Variants in COPS4 observed in about 807,000 individuals in gnomAD.
COPS4 encodes the protein COP9 signalosome subunit 4, also known as COP9 signalosome complex subunit 4.
In COPS4, 8 loss-of-function variants were observed where a neutral mutation model predicts 55.1. That is an observed-to-expected ratio of 0.15 (90% confidence interval 0.09 to 0.26). The LOEUF (loss-of-function observed/expected upper bound fraction) is 0.26. Ranked by LOEUF, COPS4 falls within the 10% of genes least tolerant of loss-of-function variation. The probability of loss-of-function intolerance (pLI) is 1.00; values close to 1 mark genes in which losing one functional copy is unlikely to be tolerated. For missense variants in COPS4, 248 were observed against 484.0 expected (o/e 0.51, Z 4.58); for synonymous variants, 185 against 165.7 (o/e 1.12, Z -0.90).
chr4:83,058,131 A>G (rs1481463405), intron 6 of COPS4, among the ~76,000 whole-genome samples: 1 of 151,656 alleles, frequency 6.6e-6, no homozygotes, highest in Non-Finnish European at 1.5e-5. Flanking sequence ...CCTTTTCTTC[A>G]ATACGTGTAA....
At chr4:83,073,226 A>T in intron 9 of COPS4, 1 of 681,698 alleles carries the variant, frequency 1.5e-6, no homozygotes, top group Non-Finnish European at 2.7e-6. Flanking sequence ...CCACCAATCC[A>T]TCTTCTGTCT....
At chr4:83,049,363 T>A in intron 3 of COPS4, 46 bp downstream of exon 3, 1 of 1,487,086 alleles carries the variant, frequency 6.7e-7, no homozygotes, top group Non-Finnish European at 9.1e-7. Context: ...TAGCAGCAGT[T>A]ATTTTGAGAA....
chr4:83,060,070 A>C (rs527730997), intron 6 of COPS4, among the ~76,000 whole-genome samples: 2 of 152,300 alleles, frequency 1.3e-5, no homozygotes, highest in African/African-American at 4.8e-5. Context: ...GTTAAAGTAT[A>C]TGAAGAAAAT....
intron 1 of COPS4, among the ~76,000 whole-genome samples, chr4:83,041,047 AGTTTTTTTTTTTTGTTTTTT>A (rs1347612773): frequency 1.3e-5 from 2 of 149,398 alleles, no homozygotes; most frequent in East Asian, 1.9e-4. Flanking sequence ...TTCCTCCATA[AGTTTTTTTTTTTTGTTTTTT>A]GTTTTTTTTT....
At chr4:83,048,031 C>T (rs993270081) in intron 2 of COPS4, among the ~76,000 whole-genome samples, 3 of 151,538 alleles carry the variant, frequency 2.0e-5, no homozygotes, top group Non-Finnish European at 4.4e-5. Flanking sequence ...ATAAAAAAGA[C>T]TTGAATAATT....
chr4:83,065,883 C>T (rs886164917), intron 7 of COPS4, among the ~76,000 whole-genome samples: 2 of 152,130 alleles, frequency 1.3e-5, no homozygotes, highest in East Asian at 1.9e-4. Flanking sequence ...GGGCTGGTGC[C>T]GCGGCTCATG....
intron 9 of COPS4, among the ~76,000 whole-genome samples, chr4:83,070,450 C>T (rs1731395146): frequency 6.6e-6 from 1 of 152,142 alleles, no homozygotes; most frequent in Admixed American, 6.5e-5. Context: ...TATTATCTTC[C>T]CTTCTTGTGT....
chr4:83,075,237 TCA>T, intron 9 of COPS4, 58 bp from the exon 10 acceptor site: 1 of 1,525,458 alleles, frequency 6.6e-7, no homozygotes, highest in Non-Finnish European at 9.0e-7. Context: ...ATCTTTTAAC[TCA>T]CAGTTGCTGT....
At position 83,066,382 on chromosome 4, in the gene COPS4, T is replaced by A. The variant is rs908705642; in HGVS notation, c.887-56T>A. ...AGACATTTTCAGAAAAAATGATGCA[T>A]CTTTTTAGAGTATAAAACTAGTTTC... is the stretch of plus-strand genomic sequence containing the variant. On this transcript the variant is annotated intron_variant, in intron 7 of 9. Transcript: ENST00000264389. 3 of 835,710 alleles carry A rather than the reference T, an allele frequency of 3.6e-6. No homozygotes were observed. In the South Asian group the frequency reaches 6.5e-5, roughly 18 times the overall value. The allele number at this position is 835,710 out of a possible 1,614,324, so 51.8% of individuals were successfully genotyped here.
chr4:83,057,900 C>T (rs1324931010), intron 6 of COPS4, among the ~76,000 whole-genome samples: 2 of 127,182 alleles, frequency 1.6e-5, no homozygotes, highest in South Asian at 2.4e-4. Context: ...CCAGCCAGGG[C>T]GACAGAGAGA....
intron 9 of COPS4, among the ~76,000 whole-genome samples, chr4:83,073,578 T>C (rs1022299344): frequency 2.6e-5 from 4 of 152,204 alleles, no homozygotes; most frequent in African/African-American, 9.6e-5. Flanking sequence ...AGGAGAAGGA[T>C]TGATATTTTT....
intron 9 of COPS4, among the ~76,000 whole-genome samples, chr4:83,075,066 G>A (rs959227636): frequency 6.6e-6 from 1 of 151,942 alleles, no homozygotes. Flanking sequence ...GCAGTGAGCC[G>A]AGATCCTGCC....
chr4:83,050,320 C>T (rs528320066), intron 4 of COPS4, among the ~76,000 whole-genome samples: 22 of 152,004 alleles, frequency 1.4e-4, no homozygotes, highest in South Asian at 4.2e-4. Context: ...TTTTTTGTGA[C>T]GGAGTTTTGC....
At chr4:83,041,888 A>G (rs1730577577) in intron 1 of COPS4, among the ~76,000 whole-genome samples, 1 of 147,500 alleles carries the variant, frequency 6.8e-6, no homozygotes, top group South Asian at 2.1e-4. Context: ...TTTTTGAGAT[A>G]GAATTTCGCT....
At chr4:83,045,152 C>T (rs1279653881) in intron 1 of COPS4, among the ~76,000 whole-genome samples, 1 of 152,114 alleles carries the variant, frequency 6.6e-6, no homozygotes, top group Non-Finnish European at 1.5e-5. Context: ...TGCTGGTGAC[C>T]CTACATACAT....
chr4:83,059,345 G>T (rs1305023471), intron 6 of COPS4, among the ~76,000 whole-genome samples: 1 of 151,886 alleles, frequency 6.6e-6, no homozygotes, highest in Non-Finnish European at 1.5e-5. Flanking sequence ...ATTATATGTA[G>T]TTGTAAATCC....
In COPS4 at chr4:83,046,198, T is replaced by C. The variant is rs549426793; in HGVS notation, c.154+493T>C. ...GGGGTTGTTTTCTTAATGTTCAACA[T>C]CACTAATCATCAGAGAAATGCAAAT... On this transcript the variant is annotated intron_variant, in intron 2 of 9. Transcript: ENST00000264389. Among the ~76,000 whole-genome samples, 1,095 of 152,260 alleles carry C rather than the reference T, an allele frequency of 7.2e-3. 15 individuals are homozygous for C. Among genetic ancestry groups the C allele is most frequent in the Middle Eastern group, 0.01 (3 of 294 alleles).
intron 4 of COPS4, among the ~76,000 whole-genome samples, chr4:83,056,174 C>T (rs1367488982): frequency 1.3e-5 from 2 of 152,058 alleles, no homozygotes; most frequent in Non-Finnish European, 2.9e-5. Context: ...TCAGGTGATC[C>T]ACCTGCCTAG....
At chr4:83,059,640 T>A (rs890173544) in intron 6 of COPS4, among the ~76,000 whole-genome samples, 3 of 152,028 alleles carry the variant, frequency 2.0e-5, no homozygotes, top group Non-Finnish European at 4.4e-5. Context: ...ATGTTTAAAA[T>A]TTTTTTTCAA....
Sources: gnomAD v4.1 joint callset for allele counts (sites outside exome capture counted in the v4.1 genomes callset) on GRCh38, gnomAD v4.1.1 for gene constraint, MANE v1.5 for transcripts, NCBI Gene and HGNC (gene_info 2026-07-23, HGNC 2026-07-21) for gene names.